The following MYH7 variants were observed in gnomAD, a reference collection of about 807,000 sequenced individuals.
MYH7 encodes the protein myosin-7.
Under a neutral mutation model 225.4 loss-of-function variants are expected in MYH7, and 129 were observed. The observed-to-expected ratio is 0.57, with a 90% confidence interval of 0.50 to 0.66. The LOEUF is 0.66. Among genes scored for constraint, MYH7 ranks in the 30% least tolerant of loss-of-function variants. The pLI is 0.00. For synonymous variants in MYH7, 971 were observed against 1,007.6 expected (o/e 0.96, Z 0.69); for missense variants, 1,649 against 2,517.0 (o/e 0.66, Z 7.38).
chr14:23,419,162 G>T lies in MYH7; in HGVS notation c.3972+15C>A, dbSNP rs3729820. 6.2e-7 allele frequency: 1 copy of T among 1,612,446 alleles called. No homozygotes were observed. Among genetic ancestry groups the T allele is most frequent in the Non-Finnish European group, 8.5e-7 (1 of 1,178,456 alleles). The stretch of plus-strand genomic sequence containing the variant: ...GCTCCTTGCTTGGGCCAGGTGGCCC[G>T]AGTCTAGCCCTTACCTTAACCTCCT... On this transcript the variant is annotated intron_variant, in intron 29 of 39. Transcript: ENST00000355349.
In MYH7 at chr14:23,433,592, G is replaced by T; in HGVS notation, c.141C>A (p.Val47=). ...VFVPDDKQEF[V]KAKIVSREGG... ...CCTCTCGAGACACGATCTTGGCCTT[G>T]ACAAACTCCTGTTTGTCATCAGGCA... is the stretch of plus-strand genomic sequence containing the variant. The change falls in exon 3 of 40, where the codon GTC becomes GTA. Residue 47 remains valine (V), a synonymous_variant. Transcript: ENST00000355349. The surrounding 1 kb of genome is among the most constrained non-coding windows in gnomAD (Gnocchi z 4.1). 1 of 1,614,202 alleles carries T rather than the reference G, an allele frequency of 6.2e-7. No individual in the cohort carries two copies. The highest frequency in any genetic ancestry group is 8.5e-7 in the Non-Finnish European group (1 of 1,180,036).
chr14:23,433,434 C>T lies in MYH7; in HGVS notation c.201+98G>A, dbSNP rs1893027503. 6.7e-7 allele frequency: 1 copy of T among 1,489,836 alleles called. No individual in the cohort carries two copies. Among genetic ancestry groups the T allele is most frequent in the African/African-American group, 1.4e-5 (1 of 72,426 alleles). The allele number at this position is 1,489,836 out of a possible 1,614,324, so 92.3% of individuals were successfully genotyped here. On this transcript the variant is annotated intron_variant, in intron 3 of 39. Coordinates refer to ENST00000355349, the MANE Select transcript of MYH7 (RefSeq NM_000257.4). This position sits in a 1 kb window ranked among gnomAD's most constrained non-coding sequence, Gnocchi z 4.1. ...CAAAGGGAAGGAGAATGGGACCATCCTCAGGTCTGCATGGGCATGGGGCAT... is the reference window on the plus strand; with the variant it reads ...CAAAGGGAAGGAGAATGGGACCATCTTCAGGTCTGCATGGGCATGGGGCAT...
intron 11 of MYH7, 137 bp downstream of exon 11, chr14:23,430,423 C>G: frequency 1.4e-6 from 1 of 735,626 alleles, no homozygotes; most frequent in South Asian, 1.5e-5. Flanking sequence ...ACCCTGATCA[C>G]AGGGCACATT....
intron 26 of MYH7, 123 bp downstream of exon 26, chr14:23,420,835 C>G (rs2138655794): frequency 1.3e-6 from 1 of 761,298 alleles, no homozygotes; most frequent in East Asian, 2.6e-5. Context: ...TAGCTGCGTG[C>G]CTGCCTCCAT....
rs2138677363 is a variant in MYH7, at chr14:23,429,838, A to C, written c.1075T>G (p.Phe359Val). 2 of 1,613,974 alleles carry C rather than the reference A, an allele frequency of 1.2e-6. No individual in the cohort carries two copies. The highest frequency in any genetic ancestry group is 1.7e-6 in the Non-Finnish European group (2 of 1,180,030). The change falls in exon 12 of 40, where the codon TTT becomes GTT. Residue 359 changes from phenylalanine (F) to valine (V), a missense_variant. By Grantham distance (50) the Phe-to-Val change is conservative. This residue lies in a region of MYH7 where 131 missense variants were observed against 231.3 expected (regional missense o/e 0.57). Transcript: ENST00000355349. ...MYKLTGAIMH[F>V]GNMKFKLKQR... is the part of the protein sequence containing the mutation. ...TTCAGCTTGAACTTCATGTTTCCAA[A>C]GTGCATGATGGCGCCTGTCAGCTTA...
Position 23,417,621 on chromosome 14 carries a change from G to A in MYH7, c.4235C>T (p.Ser1412Phe). 2 of 1,612,968 alleles carry A rather than the reference G, an allele frequency of 1.2e-6. No homozygotes were observed. Among genetic ancestry groups the A allele is most frequent in the African/African-American group, 1.3e-5 (1 of 75,014 alleles). The change falls in exon 31 of 40, where the codon TCC (serine) becomes TTC (phenylalanine). Residue 1412 changes from serine (S) to phenylalanine (F), a missense_variant. By Grantham distance (155) the Ser-to-Phe change is radical. Transcript: ENST00000355349. ...CCGGTGCTTGGTCTTCTCCAGCGAG[G>A]AGCACTTGGCATTAACAGCCTCCAC... ...EAVEAVNAKC[S>F]SLEKTKHRLQ...
In MYH7 at chr14:23,416,025, C is replaced by T. The variant is rs1892188954; in HGVS notation, c.4932G>A (p.Lys1644=). 1 of 1,614,240 alleles carries T rather than the reference C, an allele frequency of 6.2e-7. No homozygotes were observed. Among genetic ancestry groups the T allele is most frequent in the Non-Finnish European group, 8.5e-7 (1 of 1,180,050 alleles). The change falls in exon 34 of 40, where the codon AAG becomes AAA. Residue 1644 remains lysine (K), a synonymous_variant. Transcript: ENST00000355349. ...GTACCTTCAACAAGCTCTGGAGGCT[C>T]TTGACTTGCTTCTGGGCCTCGGCGG... ...RMAAEAQKQV[K]SLQSLLKDTQ...
In MYH7 at chr14:23,431,860, G is replaced by A. The variant is rs369490861; in HGVS notation, c.540C>T (p.Ser180=). The A allele has an allele frequency of 4.3e-6, 7 of 1,614,222 alleles. No homozygotes were observed. The South Asian group carries it at 4.4e-5, about 10-fold the overall frequency. ...TGGTGTTGACTGTCTTCCCTGCTCC[G>A]GATTCTCCGCTGTGAAGACAGGGGC... ...ENQSILITGE[S]GAGKTVNTKR... is the part of the protein sequence containing the mutation. The change falls in exon 7 of 40, where the codon TCC becomes TCT. Residue 180 remains serine, a synonymous_variant. Transcript: ENST00000355349.
chr14:23,430,773 CCCACAT>C, intron 10 of MYH7, 110 bp from the exon 11 acceptor site: 1 of 1,272,416 alleles, frequency 7.9e-7, no homozygotes, highest in Non-Finnish European at 1.2e-6. Context: ...TTGGCTTGGC[CCCACAT>C]CCCACTGAAT....
chr14:23,429,759 A>G lies in MYH7; in HGVS notation c.1138+16T>C. On this transcript the variant is annotated intron_variant, in intron 12 of 39. Coordinates refer to ENST00000355349, the MANE Select transcript of MYH7 (RefSeq NM_000257.4). ...CCATGACTTGACAGCTGCCCCCAAG[A>G]ATCCCTGCCTCCCACCTTCAGTGCC... 6.2e-7 allele frequency: 1 copy of G among 1,611,480 alleles called. No individual in the cohort carries two copies. The highest frequency in any genetic ancestry group is 8.5e-7 in the Non-Finnish European group (1 of 1,179,952).
chr14:23,415,104 G>A lies in MYH7; in HGVS notation c.5450C>T (p.Ala1817Val), dbSNP rs1469786429. The change falls in exon 37 of 40, where the codon GCG becomes GTG. Residue 1817 changes from alanine to valine, a missense_variant. This residue lies in a region of MYH7 where 687 missense variants were observed against 913.8 expected (regional missense o/e 0.75). Coordinates refer to ENST00000355349, the MANE Select transcript of MYH7 (RefSeq NM_000257.4). This position sits in a 1 kb window ranked among gnomAD's most constrained non-coding sequence, Gnocchi z 6.3. ...GGKKQLQKLEARVRELENELE... is the reference protein window; with the variant it reads ...GGKKQLQKLEVRVRELENELE... ...CTCATTCTCCAGCTCCCGCACCCGC[G>A]CTTCCAGCTTCTGCAGCTGCTTCTT... 41 of 1,613,910 alleles carry A rather than the reference G, an allele frequency of 2.5e-5. No homozygotes were observed. The highest frequency in any genetic ancestry group is 3.3e-5 in the Non-Finnish European group (39 of 1,180,054).
chr14:23,417,123 C>G, intron 32 of MYH7, 30 bp downstream of exon 32: 1 of 1,614,154 alleles, frequency 6.2e-7, no homozygotes, highest in Non-Finnish European at 8.5e-7. Context: ...CAGTGCAGCC[C>G]CTCCCCAGCC....
chr14:23,414,914 A>G (rs957649809), intron 37 of MYH7, 81 bp downstream of exon 37: 2 of 1,597,222 alleles, frequency 1.3e-6, no homozygotes, highest in Middle Eastern at 1.6e-4. Flanking sequence ...AGAGGCTAAG[A>G]GCAAACTCTT....
At position 23,427,885 on chromosome 14, in the gene MYH7, T is replaced by C. The variant is rs771831848; in HGVS notation, c.1588A>G (p.Ile530Val). The change falls in exon 16 of 40, where the codon ATC becomes GTC. Residue 530 changes from isoleucine (I) to valine (V), a missense_variant. This residue lies in a region of MYH7 where 76 missense variants were observed against 233.8 expected (regional missense o/e 0.33). Transcript: ENST00000355349. Reference protein sequence around the residue: ...CIDLIEKPMGIMSILEEECMF... With the variant: ...CIDLIEKPMGVMSILEEECMF... ...CACTCCTCTTCCAGGATGGACATGATGCCCATGGGCTGAGGAAGCAGGAGA... is the reference window on the plus strand; with the variant it reads ...CACTCCTCTTCCAGGATGGACATGACGCCCATGGGCTGAGGAAGCAGGAGA... 1.2e-6 allele frequency: 2 copies of C among 1,614,166 alleles called. No individual in the cohort carries two copies. Among genetic ancestry groups the C allele is most frequent in the South Asian group, 1.1e-5 (1 of 91,080 alleles).
Position 23,419,223 on chromosome 14 carries a change from G to A in MYH7, c.3926C>T (p.Thr1309Ile). 2 of 1,614,198 alleles carry A rather than the reference G, an allele frequency of 1.2e-6. No individual in the cohort carries two copies. Among genetic ancestry groups the A allele is most frequent in the Non-Finnish European group, 1.7e-6 (2 of 1,180,040 alleles). Residue 1309 changes from threonine to isoleucine, a missense_variant, in exon 29 of 40, where the codon ACC becomes ATC. Coordinates refer to ENST00000355349, the MANE Select transcript of MYH7 (RefSeq NM_000257.4). ...CCTCTTGAGGTCCTCCAGCTGCTGGGTGTAGGTGAGCTTGCCTCGGGTCAG... is the reference window on the plus strand; with the variant it reads ...CCTCTTGAGGTCCTCCAGCTGCTGGATGTAGGTGAGCTTGCCTCGGGTCAG... ...SQLTRGKLTY[T>I]QQLEDLKRQL...
intron 31 of MYH7, 59 bp downstream of exon 31, chr14:23,417,444 C>T (rs1892266597): frequency 1.9e-6 from 3 of 1,612,144 alleles, no homozygotes; most frequent in African/African-American, 2.7e-5. Flanking sequence ...TGGCCTCTCA[C>T]TGAACCCCTC....
chr14:23,419,122 A>C (rs1892355064), intron 29 of MYH7, 55 bp downstream of exon 29: 1 of 1,464,422 alleles, frequency 6.8e-7, no homozygotes, highest in African/African-American at 1.4e-5. Context: ...GATTTGATGC[A>C]AGGCTAGTCA....
intron 39 of MYH7, 41 bp from the exon 40 acceptor site, chr14:23,412,912 T>C (rs1294561425): frequency 1.5e-5 from 24 of 1,608,444 alleles, no homozygotes; most frequent in Non-Finnish European, 1.9e-5. Flanking sequence ...CTTGGAGAGA[T>C]GGTATTGGGC....
Position 23,417,153 on chromosome 14 carries a change from C to A in MYH7, c.4519G>T (p.Glu1507Ter). Residue 1507 changes from glutamate (E) to a stop codon, truncating the protein, a stop_gained and splice_region_variant, in exon 32 of 40, where the codon GAG (glutamate) becomes TAG (stop). Coordinates refer to ENST00000355349, the MANE Select transcript of MYH7 (RefSeq NM_000257.4). LOFTEE classifies it high-confidence loss of function. ...TFKRENKNLQ[E>*]EISDLTEQLG... ...CCAGCCTCTTGGGCCCCCAGCACAC[C>A]CTGCAGGTTTTTGTTCTCCCGCTTG... 6.2e-7 allele frequency: 1 copy of A among 1,614,156 alleles called. No homozygotes were observed. The highest frequency in any genetic ancestry group is 8.5e-7 in the Non-Finnish European group (1 of 1,180,034).
Sources: gnomAD v4.1 joint callset for allele counts on GRCh38, gnomAD v4.1.1 for gene constraint, gnomAD v4.1.1 regional missense constraint, Gnocchi (gnomAD v3.1) non-coding constraint, MANE v1.5 for transcripts, NCBI Gene and HGNC (gene_info 2026-07-23, HGNC 2026-07-21) for gene names.